Variants in ATP8A2 observed in about 807,000 individuals in gnomAD.
The protein encoded by ATP8A2 is ATPase phospholipid transporting 8A2.
ATP8A2 carries 100 observed loss-of-function variants against 165.6 expected under a neutral mutation model. The observed-to-expected ratio is 0.60, with a 90% confidence interval of 0.51 to 0.71. The LOEUF is 0.71. Ranked by LOEUF, ATP8A2 falls within the 30% of genes least tolerant of loss-of-function variation. ATP8A2 has a pLI of 0.00. For synonymous variants in ATP8A2, 543 were observed against 548.8 expected, an observed-to-expected ratio of 0.99 and a Z score of 0.15; for missense variants, 1,227 against 1,479.5, an observed-to-expected ratio of 0.83 and a Z score of 2.80.
intron 1 of ATP8A2, among the ~76,000 whole-genome samples, chr13:25,462,560 G>A (rs1343550210): frequency 6.6e-6 from 1 of 152,138 alleles, no homozygotes; most frequent in East Asian, 1.9e-4. Flanking sequence ...GCTCCCCTGA[G>A]TTTCAGTGTC....
intron 30 of ATP8A2, among the ~76,000 whole-genome samples, chr13:25,842,744 A>G (rs953370125): frequency 3.3e-5 from 5 of 151,412 alleles, no homozygotes. Flanking sequence ...AGGAAGAAGG[A>G]AGGAAGGAAG....
chr13:25,843,910 G>C (rs1046406014), intron 30 of ATP8A2, among the ~76,000 whole-genome samples: 2 of 152,090 alleles, frequency 1.3e-5, no homozygotes, highest in African/African-American at 2.4e-5. Context: ...CCTGGCGGAG[G>C]GGGGGACTTT....
At chr13:25,418,111 C>T (rs966209002) in intron 1 of ATP8A2, among the ~76,000 whole-genome samples, 49 of 152,284 alleles carry the variant, frequency 3.2e-4, no homozygotes, top group African/African-American at 8.2e-4. Flanking sequence ...CTTCAGGAAG[C>T]CCATTAATTC....
At chr13:25,817,356 G>T (rs1047548521) in intron 27 of ATP8A2, among the ~76,000 whole-genome samples, 161 of 125,230 alleles carry the variant, frequency 1.3e-3, no homozygotes, top group African/African-American at 4.0e-3. Context: ...TTTATGGGGG[G>T]GGGGGGAAAC....
At chr13:25,831,152 G>A (rs1213096353) in intron 28 of ATP8A2, among the ~76,000 whole-genome samples, 2 of 150,846 alleles carry the variant, frequency 1.3e-5, no homozygotes, top group Non-Finnish European at 1.5e-5. Flanking sequence ...TCTTCTAAAT[G>A]TACTCTTTGT....
chr13:25,889,274 A>ATATATATATATATATATATAT (rs1491127289), intron 33 of ATP8A2, among the ~76,000 whole-genome samples: 9 of 143,766 alleles, frequency 6.3e-5, no homozygotes, highest in African/African-American at 1.5e-4. Context: ...ATATATATAT[A>ATATATATATATATATATATAT]AAATTTAAAT....
At chr13:25,542,197 A>G in intron 9 of ATP8A2, 151 bp downstream of exon 9, 1 of 897,784 alleles carries the variant, frequency 1.1e-6, no homozygotes, top group Non-Finnish European at 1.6e-6. Context: ...CCTTAGATTT[A>G]AGAAAAAAAC....
intron 33 of ATP8A2, 109 bp downstream of exon 33, chr13:25,862,517 A>AAGGACCAGCCTCTCCT: frequency 3.7e-6 from 3 of 810,328 alleles, no homozygotes; most frequent in Non-Finnish European, 6.3e-6. Context: ...GAGCTTCAGG[A>AAGGACCAGCCTCTCCT]GAGGCTGGTC....
Position 26,012,626 on chromosome 13 carries a change from A to G in ATP8A2, c.3469+4A>G, listed in dbSNP as rs770737939. The G allele has an allele frequency of 1.4e-6, 2 of 1,462,334 alleles. No homozygotes were observed. Among genetic ancestry groups the G allele is most frequent in the Non-Finnish European group, 1.8e-6 (2 of 1,104,224 alleles). The allele number at this position is 1,462,334 out of a possible 1,614,324, so 90.6% of individuals were successfully genotyped here. ...TCCCTGCAGCAGGGCGTCCCGCGTG[A>G]GTACCGCGGGCGGGGGCTGATGGAG... On this transcript the variant is annotated splice_donor_region_variant and intron_variant, in intron 36 of 36. Transcript: ENST00000381655.
At chr13:25,591,884 T>C (rs112215101) in intron 24 of ATP8A2, among the ~76,000 whole-genome samples, 5,806 of 152,340 alleles carry the variant, frequency 0.038, 139 homozygotes, top group Non-Finnish European at 0.051. Context: ...CTTCTAATTT[T>C]TGGGGACATA....
chr13:25,829,457 A>G (rs975717628), intron 28 of ATP8A2, among the ~76,000 whole-genome samples: 13 of 151,796 alleles, frequency 8.6e-5, no homozygotes, highest in African/African-American at 2.9e-4. Flanking sequence ...ACAGATTGCT[A>G]ACTCTGTACC....
At chr13:25,855,501 C>G (rs907483652) in intron 30 of ATP8A2, among the ~76,000 whole-genome samples, 2 of 152,126 alleles carry the variant, frequency 1.3e-5, no homozygotes, top group African/African-American at 2.4e-5. Flanking sequence ...ATTGATATAC[C>G]ACATTTTACC....
intron 33 of ATP8A2, among the ~76,000 whole-genome samples, chr13:25,923,804 G>T (rs1397800528): frequency 2.0e-5 from 3 of 152,044 alleles, no homozygotes; most frequent in Non-Finnish European, 4.4e-5. Context: ...TGTAGACATG[G>T]GGTTTAACAA....
intron 35 of ATP8A2, among the ~76,000 whole-genome samples, chr13:26,000,576 G>A (rs982923893): frequency 2.0e-5 from 3 of 151,728 alleles, no homozygotes; most frequent in African/African-American, 7.3e-5. Flanking sequence ...TATGAGCTTG[G>A]GTTTCACCAT....
chr13:25,923,614 A>G (rs773850092), intron 33 of ATP8A2, among the ~76,000 whole-genome samples: 1 of 121,302 alleles, frequency 8.2e-6, no homozygotes, highest in Non-Finnish European at 1.7e-5. Flanking sequence ...GGATAATTCA[A>G]CCCTTAGCCT....
intron 15 of ATP8A2, among the ~76,000 whole-genome samples, chr13:25,561,127 T>C (rs758122929): frequency 5.9e-5 from 9 of 152,168 alleles, no homozygotes; most frequent in Non-Finnish European, 1.3e-4. Flanking sequence ...CCTCGTGATC[T>C]GCCTGTCTCG....
intron 33 of ATP8A2, among the ~76,000 whole-genome samples, chr13:25,902,315 T>C (rs530382598): frequency 6.8e-4 from 104 of 152,318 alleles, no homozygotes; most frequent in Non-Finnish European, 1.3e-3. Flanking sequence ...AATTATATCT[T>C]CTTAACCCCT....
At chr13:25,703,503 T>C (rs1462480602) in intron 25 of ATP8A2, among the ~76,000 whole-genome samples, 1 of 152,172 alleles carries the variant, frequency 6.6e-6, no homozygotes, top group African/African-American at 2.4e-5. Flanking sequence ...AAACAAATAC[T>C]TGTATGTGCA....
intron 36 of ATP8A2, among the ~76,000 whole-genome samples, chr13:26,018,650 C>G (rs1316176569): frequency 6.6e-6 from 1 of 152,142 alleles, no homozygotes; most frequent in Non-Finnish European, 1.5e-5. Flanking sequence ...TTATAAATGT[C>G]TTTCTGTGGG....
Sources: gnomAD v4.1 joint callset for allele counts (sites outside exome capture counted in the v4.1 genomes callset) on GRCh38, gnomAD v4.1.1 for gene constraint, MANE v1.5 for transcripts, NCBI Gene and HGNC (gene_info 2026-07-23, HGNC 2026-07-21) for gene names.